The following ARHGAP24 variants were observed in gnomAD, a reference collection of about 807,000 sequenced individuals.
ARHGAP24 encodes Rho GTPase activating protein 24.
ARHGAP24 carries 50 observed loss-of-function variants against 76.4 expected under a neutral mutation model. That is an observed-to-expected ratio of 0.65 (90% CI 0.52 to 0.83). ARHGAP24 has a LOEUF of 0.83. Ranked by LOEUF, ARHGAP24 falls within the 40% of genes least tolerant of loss-of-function variation. The pLI, the probability that ARHGAP24 is intolerant of heterozygous loss-of-function variation, is 0.00. For missense variants in ARHGAP24, 930 were observed against 914.2 expected (o/e 1.02, Z -0.22); for synonymous variants, 345 against 323.3 (o/e 1.07, Z -0.72).
chr4:85,493,005 AGTGACCAG>A (rs1436183689), intron 1 of ARHGAP24, among the ~76,000 whole-genome samples: 1 of 152,188 alleles, frequency 6.6e-6, no homozygotes, highest in African/African-American at 2.4e-5. Context: ...TTTGAAGTCT[AGTGACCAG>A]GTATTTTGGA....
At chr4:85,738,938 A>G (rs976171050) in intron 3 of ARHGAP24, among the ~76,000 whole-genome samples, 1 of 152,130 alleles carries the variant, frequency 6.6e-6, no homozygotes, top group Non-Finnish European at 1.5e-5. Flanking sequence ...TCATTCTTTA[A>G]TTTTCAATAA....
intron 2 of ARHGAP24, among the ~76,000 whole-genome samples, chr4:85,707,268 C>T (rs1239845513): frequency 2.0e-5 from 3 of 152,192 alleles, no homozygotes; most frequent in Admixed American, 6.5e-5. Flanking sequence ...ACTATACACC[C>T]ATGCAAGGAT....
chr4:85,966,374 G>C (rs573665804), intron 5 of ARHGAP24, among the ~76,000 whole-genome samples: 1 of 152,126 alleles, frequency 6.6e-6, no homozygotes, highest in African/African-American at 2.4e-5. Flanking sequence ...ATTCTACTGG[G>C]ACAAGCACTA....
At chr4:85,496,253 A>G (rs1035112905) in intron 1 of ARHGAP24, among the ~76,000 whole-genome samples, 1 of 152,194 alleles carries the variant, frequency 6.6e-6, no homozygotes, top group Non-Finnish European at 1.5e-5. Context: ...TCAATATGGC[A>G]TTTTCACCCT....
intron 2 of ARHGAP24, among the ~76,000 whole-genome samples, chr4:85,576,830 G>T (rs1045018128): frequency 7.6e-4 from 116 of 152,104 alleles, no homozygotes; most frequent in African/African-American, 2.7e-3. Flanking sequence ...TAAGAGTAAA[G>T]ACATAGGCTT....
intron 5 of ARHGAP24, among the ~76,000 whole-genome samples, chr4:85,958,139 T>A (rs1738030796): frequency 6.6e-6 from 1 of 152,222 alleles, no homozygotes; most frequent in East Asian, 1.9e-4. Context: ...AATGTGGGAC[T>A]AAATCTGCCA....
chr4:85,877,290 A>G (rs1192760214), intron 3 of ARHGAP24, among the ~76,000 whole-genome samples: 2 of 152,168 alleles, frequency 1.3e-5, no homozygotes, highest in Non-Finnish European at 2.9e-5. Context: ...GGGTAGAGTT[A>G]TTTATTTTGA....
At chr4:85,571,280 G>A (rs912600633) in intron 2 of ARHGAP24, among the ~76,000 whole-genome samples, 9 of 152,300 alleles carry the variant, frequency 5.9e-5, no homozygotes, top group Admixed American at 2.0e-4. Flanking sequence ...TAGTTCCTTA[G>A]TGGTTCTTTA....
At chr4:85,961,559 A>G (rs1205520187) in intron 5 of ARHGAP24, among the ~76,000 whole-genome samples, 1 of 152,084 alleles carries the variant, frequency 6.6e-6, no homozygotes, top group Non-Finnish European at 1.5e-5. Flanking sequence ...CCGGAATTAG[A>G]TAATCATAAT....
At chr4:85,962,644 T>G (rs547334090) in intron 5 of ARHGAP24, among the ~76,000 whole-genome samples, 2 of 152,112 alleles carry the variant, frequency 1.3e-5, no homozygotes, top group East Asian at 3.9e-4. Context: ...AAATCATTCT[T>G]GCATTCCTTA....
At chr4:85,645,661 A>G (rs569798548) in intron 2 of ARHGAP24, among the ~76,000 whole-genome samples, 1 of 152,202 alleles carries the variant, frequency 6.6e-6, no homozygotes, top group East Asian at 1.9e-4. Flanking sequence ...AGTAAATTTC[A>G]TTTTAACCGT....
At chr4:85,528,714 T>A (rs941372769) in intron 1 of ARHGAP24, among the ~76,000 whole-genome samples, 1 of 152,086 alleles carries the variant, frequency 6.6e-6, no homozygotes, top group African/African-American at 2.4e-5. Context: ...ATATTGCGTG[T>A]CTGTCTTTTG....
At chr4:85,822,735 T>G (rs1729531280) in intron 3 of ARHGAP24, among the ~76,000 whole-genome samples, 1 of 152,222 alleles carries the variant, frequency 6.6e-6, no homozygotes, top group South Asian at 2.1e-4. Flanking sequence ...CATGAATGTA[T>G]TATGCTCTTT....
At chr4:85,598,249 A>G (rs1719906400) in intron 2 of ARHGAP24, among the ~76,000 whole-genome samples, 1 of 152,184 alleles carries the variant, frequency 6.6e-6, no homozygotes, top group South Asian at 2.1e-4. Flanking sequence ...TAATTAATAA[A>G]TAGATAGAAG....
intron 1 of ARHGAP24, among the ~76,000 whole-genome samples, chr4:85,487,996 C>A (rs1027357604): frequency 6.8e-6 from 1 of 148,126 alleles, no homozygotes; most frequent in African/African-American, 2.5e-5. Context: ...AGCTCTGCCC[C>A]CTGGGTTCAC....
intron 2 of ARHGAP24, among the ~76,000 whole-genome samples, chr4:85,706,231 C>T (rs1560594529): frequency 6.6e-6 from 1 of 151,978 alleles, no homozygotes; most frequent in Non-Finnish European, 1.5e-5. Flanking sequence ...TTTTGATGGA[C>T]CTCCAATCTG....
In ARHGAP24 at chr4:85,693,127, T is replaced by G. The variant is rs145734252; in HGVS notation, c.181-28758T>G. On this transcript the variant is annotated intron_variant, in intron 2 of 9. Coordinates refer to ENST00000395184, the MANE Select transcript of ARHGAP24 (RefSeq NM_001025616.3). The stretch of plus-strand genomic sequence containing the variant: ...CAGTAGATGGCAATTAAGAGTAATG[T>G]CCAGTAAATAGGCTCAAACTTGGCA... 5.4e-3 allele frequency among the ~76,000 whole-genome samples: 816 copies of G among 152,284 alleles called. 7 individuals carry two copies. Among genetic ancestry groups the G allele is most frequent in the African/African-American group, 0.019 (772 of 41,540 alleles).
intron 3 of ARHGAP24, among the ~76,000 whole-genome samples, chr4:85,874,248 C>T (rs980670707): frequency 2.2e-4 from 33 of 152,314 alleles, no homozygotes; most frequent in African/African-American, 6.7e-4. Flanking sequence ...TGGGCTCATA[C>T]ATTCCCCTTT....
chr4:85,734,811 G>A (rs994442644), intron 3 of ARHGAP24, among the ~76,000 whole-genome samples: 2 of 151,886 alleles, frequency 1.3e-5, no homozygotes, highest in Non-Finnish European at 2.9e-5. Context: ...TTCTTTGATT[G>A]AAAGACAAGT....
Sources: allele counts gnomAD v4.1 joint callset (sites outside exome capture counted in the v4.1 genomes callset), GRCh38; gene constraint gnomAD v4.1.1; transcripts MANE v1.5; gene names NCBI Gene and HGNC (gene_info 2026-07-23, HGNC 2026-07-21).